HDAC9: variants seen among roughly 807,000 people sequenced by gnomAD.
HDAC9 encodes MEF-2 interacting transcription repressor (MITR) protein.
In HDAC9, 41 loss-of-function variants were observed where a neutral mutation model predicts 139.4. The ratio of observed to expected loss-of-function variants is 0.29; its 90% confidence interval spans 0.23 to 0.38. The LOEUF (loss-of-function observed/expected upper bound fraction) is 0.38, where lower values mean the gene tolerates loss of function less well. Ranked by LOEUF, HDAC9 falls within the 10% of genes least tolerant of loss-of-function variation. The pLI is 1.00. For synonymous variants in HDAC9, 517 were observed against 476.2 expected, an observed-to-expected ratio of 1.09 and a Z score of -1.12; for missense variants, 1,147 against 1,297.0, an observed-to-expected ratio of 0.88 and a Z score of 1.78.
At chr7:18,267,486 C>A (rs1796080660) in intron 2 of HDAC9, among the ~76,000 whole-genome samples, 1 of 152,072 alleles carries the variant, frequency 6.6e-6, no homozygotes, top group Admixed American at 6.5e-5. Context: ...CCCTTCTACT[C>A]TCTACTTCTA....
chr7:18,132,496 A>G (rs756639795), intron 1 of HDAC9, among the ~76,000 whole-genome samples: 6 of 151,986 alleles, frequency 3.9e-5, no homozygotes, highest in Non-Finnish European at 8.8e-5. Flanking sequence ...GCAGCCTCCA[A>G]CTTCTGGGCT....
At chr7:18,728,941 G>A (rs747451056) in intron 13 of HDAC9, among the ~76,000 whole-genome samples, 5 of 152,054 alleles carry the variant, frequency 3.3e-5, no homozygotes, top group African/African-American at 7.2e-5. Context: ...TTCTTTCTCC[G>A]TACTAGCCAT....
chr7:18,313,974 T>C (rs1799477478), intron 1 of HDAC9, among the ~76,000 whole-genome samples: 1 of 152,206 alleles, frequency 6.6e-6, no homozygotes, highest in Non-Finnish European at 1.5e-5. Flanking sequence ...AATTTGGTTA[T>C]ACATAAAATT....
At chr7:18,468,302 C>T (rs1050258318) in intron 1 of HDAC9, among the ~76,000 whole-genome samples, 3 of 152,122 alleles carry the variant, frequency 2.0e-5, no homozygotes, top group African/African-American at 4.8e-5. Flanking sequence ...TATCTCTTCT[C>T]CATTTATTTA....
At chr7:18,540,684 A>G (rs981142407) in intron 2 of HDAC9, among the ~76,000 whole-genome samples, 1 of 152,202 alleles carries the variant, frequency 6.6e-6, no homozygotes, top group African/African-American at 2.4e-5. Context: ...ACAGCCTTGG[A>G]TGTATAAAGA....
At chr7:18,256,252 AG>A (rs1795236431) in intron 2 of HDAC9, among the ~76,000 whole-genome samples, 1 of 152,186 alleles carries the variant, frequency 6.6e-6, no homozygotes, top group African/African-American at 2.4e-5. Flanking sequence ...CTACGTGGAA[AG>A]TGGGGTGGTA....
Position 18,109,269 on chromosome 7 carries a change from T to C in HDAC9, c.-97+22056T>C, listed in dbSNP as rs575469032. ...GCATTTTTTCCCCCTTAACTACAAA[T>C]TGAGGATATTAGTACTACCTACACT... On this transcript the variant is annotated intron_variant, in intron 1 of 12. Coordinates refer to the HDAC9 transcript ENST00000417496. 4.6e-5 allele frequency among the ~76,000 whole-genome samples: 7 copies of C among 152,284 alleles called. No individual in the cohort carries two copies. The East Asian group carries it at 1.4e-3, about 29-fold the overall frequency.
intron 1 of HDAC9, among the ~76,000 whole-genome samples, chr7:18,332,157 A>G (rs1800971964): frequency 6.6e-6 from 1 of 151,764 alleles, no homozygotes; most frequent in African/African-American, 2.4e-5. Context: ...ACAGATACTT[A>G]ATAATTTCCC....
intron 17 of HDAC9, among the ~76,000 whole-genome samples, chr7:18,824,075 GAAGAAGAAGAAGAAC>G (rs1219769964): frequency 6.6e-5 from 10 of 150,996 alleles, no homozygotes; most frequent in African/African-American, 1.7e-4. Flanking sequence ...AGAAGAAGAA[GAAGAAGAAGAAGAAC>G]AAGAACAAGA....
intron 1 of HDAC9, among the ~76,000 whole-genome samples, chr7:18,358,454 T>C (rs895022494): frequency 6.6e-6 from 1 of 152,206 alleles, no homozygotes; most frequent in Admixed American, 6.5e-5. Flanking sequence ...AAAGTGATTT[T>C]GGAAACATGA....
chr7:18,816,266 A>G (rs916620687), intron 17 of HDAC9, among the ~76,000 whole-genome samples: 14 of 152,244 alleles, frequency 9.2e-5, no homozygotes, highest in African/African-American at 3.4e-4. Context: ...ATTCCAATAA[A>G]TTGAAGTTAG....
At chr7:18,494,882 A>G (rs1482697090), upstream of HDAC9, among the ~76,000 whole-genome samples, 1 of 152,074 alleles carries the variant, frequency 6.6e-6, no homozygotes, top group African/African-American at 2.4e-5. Flanking sequence ...TTCCTTTTGC[A>G]AGTAAATTGA....
chr7:18,925,249 G>A (rs1804111424), intron 22 of HDAC9, among the ~76,000 whole-genome samples: 1 of 152,106 alleles, frequency 6.6e-6, no homozygotes. Context: ...AGGCACTAAA[G>A]TCAACTGACC....
At chr7:18,104,538 A>G (rs867665660) in intron 1 of HDAC9, among the ~76,000 whole-genome samples, 1 of 152,188 alleles carries the variant, frequency 6.6e-6, no homozygotes, top group African/African-American at 2.4e-5. Flanking sequence ...TCAGCTTTCT[A>G]CTTTGCCCGC....
At chr7:18,925,071 AG>A (rs1414762873) in intron 22 of HDAC9, among the ~76,000 whole-genome samples, 6 of 152,198 alleles carry the variant, frequency 3.9e-5, no homozygotes, top group African/African-American at 1.4e-4. Context: ...GAAGTGGATC[AG>A]TTTTAACTAC....
intron 2 of HDAC9, among the ~76,000 whole-genome samples, chr7:18,516,669 T>C (rs1386890397): frequency 5.3e-5 from 8 of 152,148 alleles, no homozygotes; most frequent in Non-Finnish European, 1.0e-4. Context: ...GAGAACAGCC[T>C]GGCCAACATG....
At chr7:18,622,243 C>T (rs921587061) in intron 6 of HDAC9, among the ~76,000 whole-genome samples, 3 of 152,120 alleles carry the variant, frequency 2.0e-5, no homozygotes, top group Non-Finnish European at 4.4e-5. Flanking sequence ...TTGACCTTCA[C>T]CTATGATTAC....
At chr7:18,347,581 C>G in intron 1 of HDAC9, among the ~76,000 whole-genome samples, 1 of 152,146 alleles carries the variant, frequency 6.6e-6, no homozygotes, top group Admixed American at 6.6e-5. Context: ...GCAACATGTT[C>G]TTATTTATTT....
chr7:18,257,399 TCCCACACA>T (rs1795336965), intron 2 of HDAC9, among the ~76,000 whole-genome samples: 1 of 118,700 alleles, frequency 8.4e-6, no homozygotes, highest in Middle Eastern at 4.2e-3. Context: ...TCTCTGTCTC[TCCCACACA>T]CACACACACA....
Sources: gnomAD v4.1 joint callset for allele counts (sites outside exome capture counted in the v4.1 genomes callset) on GRCh38, gnomAD v4.1.1 for gene constraint, MANE v1.5 for transcripts, NCBI Gene and HGNC (gene_info 2026-07-23, HGNC 2026-07-21) for gene names.